ULK4: variants seen among roughly 807,000 people sequenced by gnomAD.
ULK4 encodes the protein inactive serine/threonine-protein kinase ULK4.
Under a neutral mutation model 160.6 loss-of-function variants are expected in ULK4, and 133 were observed. The observed-to-expected ratio is 0.83, with a 90% CI of 0.72 to 0.96. The LOEUF is 0.96. ULK4 is among the 40% of genes least tolerant of loss of function. ULK4 has a pLI of 0.00. For synonymous variants in ULK4, 534 were observed against 539.8 expected (o/e 0.99, Z 0.15); for missense variants, 1,580 against 1,499.5 (o/e 1.05, Z -0.89).
intron 34 of ULK4, among the ~76,000 whole-genome samples, chr3:41,453,563 C>A (rs969912948): frequency 3.3e-5 from 5 of 152,170 alleles, no homozygotes; most frequent in Non-Finnish European, 7.3e-5. Context: ...ACTTCATGAT[C>A]TCATTAGCAT....
chr3:41,931,716 G>A, intron 5 of ULK4, 128 bp downstream of exon 5: 1 of 1,146,704 alleles, frequency 8.7e-7, no homozygotes, highest in South Asian at 1.5e-5. Context: ...GACTATGTCT[G>A]CTGGTCATTA....
In ULK4 at chr3:41,627,320, G is replaced by A. The variant is rs376606380; in HGVS notation, c.3072-11603C>T. Among the ~76,000 whole-genome samples, 6 of 152,284 alleles carry A rather than the reference G, an allele frequency of 3.9e-5. No homozygotes were observed. The South Asian group carries it at 1.2e-3, about 32-fold the overall frequency. ...TAGCTCCCCCAAGAATGACAGGACAGGTCCATGGAGATCACTGGGTTGGTC... is the reference window on the plus strand; with the variant it reads ...TAGCTCCCCCAAGAATGACAGGACAAGTCCATGGAGATCACTGGGTTGGTC... On this transcript the variant is annotated intron_variant, in intron 30 of 36. Transcript: ENST00000301831.
At chr3:41,767,506 T>C (rs559572483) in intron 21 of ULK4, among the ~76,000 whole-genome samples, 1 of 152,332 alleles carries the variant, frequency 6.6e-6, no homozygotes, top group African/African-American at 2.4e-5. Context: ...AGCTGTTTCT[T>C]TCCTGCTCCT....
At chr3:41,364,625 C>T (rs1387050894) in intron 35 of ULK4, among the ~76,000 whole-genome samples, 1 of 151,984 alleles carries the variant, frequency 6.6e-6, no homozygotes, top group Non-Finnish European at 1.5e-5. Context: ...TATGCCAATG[C>T]TGAATGTTAT....
chr3:41,398,246 C>G lies in ULK4; in HGVS notation c.3511G>C (p.Glu1171Gln). 1 of 1,612,538 alleles carries G rather than the reference C, an allele frequency of 6.2e-7. No homozygotes were observed. The highest frequency in any genetic ancestry group is 8.5e-7 in the Non-Finnish European group (1 of 1,179,474). The change falls in exon 35 of 37, where the codon GAG becomes CAG. Residue 1171 changes from glutamate (E) to glutamine (Q), a missense_variant. Glu to Gln is a conservative substitution (Grantham distance 29, BLOSUM62 2). Transcript: ENST00000301831. ...CACTTGGATGAAACATCAAAAATCT[C>G]AGGATCTTCATTAGGAAGCTGAAAA... ...LIPLLPNEDP[E>Q]IFDVSSKCLS...
At chr3:41,678,217 CACACACACAG>C (rs1362414022) in intron 29 of ULK4, among the ~76,000 whole-genome samples, 14 of 151,096 alleles carry the variant, frequency 9.3e-5, no homozygotes, top group African/African-American at 3.2e-4. Flanking sequence ...CACACACACA[CACACACACAG>C]AGCTCCTACT....
At chr3:41,326,462 A>ATC (rs1200236930) in intron 35 of ULK4, among the ~76,000 whole-genome samples, 1 of 151,472 alleles carries the variant, frequency 6.6e-6, no homozygotes, top group Non-Finnish European at 1.5e-5. Flanking sequence ...ATATATATAT[A>ATC]TATATATACA....
In ULK4 at chr3:41,634,769, A is replaced by G. The variant is rs552027843; in HGVS notation, c.3072-19052T>C. 2.6e-5 allele frequency among the ~76,000 whole-genome samples: 4 copies of G among 152,352 alleles called. No homozygotes were observed. In the South Asian group the frequency reaches 8.3e-4, roughly 32 times the overall value. On this transcript the variant is annotated intron_variant, in intron 30 of 36. Coordinates refer to ENST00000301831, the MANE Select transcript of ULK4 (RefSeq NM_017886.4). ...AGGAAAAGTTAAATTTATGTTAAAC[A>G]TGGATGTCAAGGCAACATAAAATCA...
At chr3:41,791,085 CTT>C (rs1372984432) in intron 20 of ULK4, among the ~76,000 whole-genome samples, 1 of 152,070 alleles carries the variant, frequency 6.6e-6, no homozygotes, top group Non-Finnish European at 1.5e-5. Flanking sequence ...CATAAAAAGA[CTT>C]TGAAAAATAT....
chr3:41,783,139 A>G lies in ULK4; in HGVS notation c.2193+6522T>C, dbSNP rs1369580102. ...AGCAAGTACGAATTTGAAAGGATAT[A>G]TATCAAATTTTTTACAGAGATTACC... On this transcript the variant is annotated intron_variant, in intron 21 of 36. Coordinates refer to ENST00000301831, the MANE Select transcript of ULK4 (RefSeq NM_017886.4). Among the ~76,000 whole-genome samples the G allele has an allele frequency of 2.6e-5, 4 of 152,210 alleles. No homozygotes were observed. The East Asian group carries it at 7.7e-4, about 29-fold the overall frequency.
intron 34 of ULK4, among the ~76,000 whole-genome samples, chr3:41,440,496 C>T (rs994569420): frequency 3.3e-5 from 5 of 152,140 alleles, no homozygotes; most frequent in East Asian, 1.9e-4. Context: ...TCCTGCATTA[C>T]TGGGATAAAT....
At chr3:41,692,580 C>A (rs886543198) in intron 27 of ULK4, among the ~76,000 whole-genome samples, 1 of 150,126 alleles carries the variant, frequency 6.7e-6, no homozygotes, top group Non-Finnish European at 1.5e-5. Context: ...AAAATAAATA[C>A]CATTGCACCC....
chr3:41,918,558 C>G lies in ULK4; in HGVS notation c.644-18G>C, dbSNP rs1484160211. Reference sequence around the variant, plus strand: ...AGGTTTTCCTGAAATCACATGAAAACTTGCAAAATGAAAGAAGTCTGCTAT... The same window carrying G: ...AGGTTTTCCTGAAATCACATGAAAAGTTGCAAAATGAAAGAAGTCTGCTAT... On this transcript the variant is annotated intron_variant, in intron 6 of 36. Transcript: ENST00000301831. The G allele has an allele frequency of 7.6e-7, 1 of 1,314,988 alleles. No homozygotes were observed. Among genetic ancestry groups the G allele is most frequent in the East Asian group, 2.5e-5 (1 of 39,612 alleles). 81.5% of individuals were successfully genotyped at this position (1,314,988 alleles called of 1,614,324 possible).
At chr3:41,921,578 G>A (rs1331407718) in intron 5 of ULK4, among the ~76,000 whole-genome samples, 1 of 152,098 alleles carries the variant, frequency 6.6e-6, no homozygotes, top group Non-Finnish European at 1.5e-5. Context: ...TGGCACCACT[G>A]CACTCCAGCC....
Position 41,835,910 on chromosome 3 carries a change from C to T in ULK4, c.1718G>A (p.Cys573Tyr), listed in dbSNP as rs746587262. The T allele has an allele frequency of 1.2e-6, 2 of 1,612,510 alleles. No homozygotes were observed. Among genetic ancestry groups the T allele is most frequent in the African/African-American group, 1.3e-5 (1 of 74,338 alleles). Residue 573 changes from cysteine to tyrosine, a missense_variant, in exon 18 of 37, where the codon TGC (cysteine) becomes TAC (tyrosine). Physicochemically the swap from Cys to Tyr is radical, Grantham distance 194. Coordinates refer to ENST00000301831, the MANE Select transcript of ULK4 (RefSeq NM_017886.4). ...CAGCTCCCCAAGGGTTGGTAAAAGG[C>T]ACTGTTTTAATTTGCTGTTCCTGAA... The part of the protein sequence containing the change: ...ENFRNSKLKQ[C>Y]LLPTLGELIY...
rs1025337734 is a variant in ULK4, at chr3:41,439,087, G to A, written c.3492+16410C>T. Among the ~76,000 whole-genome samples, 85 of 152,094 alleles carry A rather than the reference G, an allele frequency of 5.6e-4. 1 individual carries two copies. The highest frequency in any genetic ancestry group is 3.8e-4 in the Non-Finnish European group (26 of 68,014). ...CCAGAGAGTGTGAAATGGGGGTTGG[G>A]GTTCCCCGTGAACAAAAGGAGACAG... On this transcript the variant is annotated intron_variant, in intron 34 of 36. Coordinates refer to ENST00000301831, the MANE Select transcript of ULK4 (RefSeq NM_017886.4).
chr3:41,515,732 C>T (rs9840825), intron 32 of ULK4, among the ~76,000 whole-genome samples: 2 of 152,126 alleles, frequency 1.3e-5, no homozygotes, highest in African/African-American at 4.8e-5. Context: ...AGGGAAAGTG[C>T]CCCCATGATC....
At chr3:41,773,487 T>C (rs2125923177) in intron 21 of ULK4, among the ~76,000 whole-genome samples, 1 of 152,156 alleles carries the variant, frequency 6.6e-6, no homozygotes, top group South Asian at 2.1e-4. Flanking sequence ...TCAAAGAGAA[T>C]AAAATACCTA....
At chr3:41,672,419 GTCA>G (rs1207816206) in intron 29 of ULK4, among the ~76,000 whole-genome samples, 2 of 152,116 alleles carry the variant, frequency 1.3e-5, no homozygotes, top group Non-Finnish European at 2.9e-5. Flanking sequence ...GGAAATGGAG[GTCA>G]TTATATTAAG....
Sources: allele counts gnomAD v4.1 joint callset (sites outside exome capture counted in the v4.1 genomes callset), GRCh38; gene constraint gnomAD v4.1.1; transcripts MANE v1.5; gene names NCBI Gene and HGNC (gene_info 2026-07-23, HGNC 2026-07-21).